Variants in FAM53A observed in about 807,000 individuals in gnomAD.
FAM53A encodes the protein protein FAM53A.
FAM53A carries 28 observed loss-of-function variants against 26.6 expected under a neutral mutation model. That is an observed-to-expected ratio of 1.05 (90% CI 0.78 to 1.45). The LOEUF is 1.45. Among genes scored for constraint, FAM53A ranks in the 40% most tolerant of loss-of-function variants. The pLI, the probability that FAM53A is intolerant of heterozygous loss-of-function variation, is 0.00. For synonymous variants in FAM53A, 290 were observed against 253.1 expected (o/e 1.15, Z -1.38); for missense variants, 650 against 575.8 (o/e 1.13, Z -1.32).
chr4:1,658,116 T>A (rs1198799574), intron 2 of FAM53A, among the ~76,000 whole-genome samples: 1 of 151,952 alleles, frequency 6.6e-6, no homozygotes, highest in Non-Finnish European at 1.5e-5. Flanking sequence ...GTTCACGCCA[T>A]TCTCCTGTCT....
chr4:1,595,353 A>G, the FAM53A span, among the ~76,000 whole-genome samples: 1 of 152,136 alleles, frequency 6.6e-6, no homozygotes, highest in African/African-American at 2.4e-5. Flanking sequence ...GGCTCCCCAC[A>G]TCCTGGCGCC....
chr4:1,604,709 T>A, the FAM53A span, among the ~76,000 whole-genome samples: 2 of 152,142 alleles, frequency 1.3e-5, no homozygotes, highest in African/African-American at 4.8e-5. Context: ...TTCCCGGGAC[T>A]AACATTGCTC....
chr4:1,678,714 C>T (rs933812757), intron 1 of FAM53A, among the ~76,000 whole-genome samples: 4 of 151,918 alleles, frequency 2.6e-5, no homozygotes, highest in East Asian at 1.9e-4. Context: ...CCCAGCTACT[C>T]GGGAGGCTGA....
At chr4:1,577,429 G>A in the FAM53A span, among the ~76,000 whole-genome samples, 1 of 151,958 alleles carries the variant, frequency 6.6e-6, no homozygotes, top group African/African-American at 2.4e-5. Flanking sequence ...CAGGGTGCGG[G>A]GTGGTAGGGG....
At chr4:1,684,100 C>G (rs1241518696) in intron 1 of FAM53A, 133 bp downstream of exon 1, 2 of 152,020 alleles carry the variant, frequency 1.3e-5, no homozygotes, top group African/African-American at 4.8e-5. Flanking sequence ...CAGCTCGGAG[C>G]GCAGGGCCCC....
In FAM53A at chr4:1,655,156, G is replaced by A. The variant is rs201035222; in HGVS notation, c.704C>T (p.Pro235Leu). The A allele has an allele frequency of 1.9e-6, 3 of 1,580,580 alleles. No individual in the cohort carries two copies. The highest frequency in any genetic ancestry group is 2.6e-6 in the Non-Finnish European group (3 of 1,167,518). The change falls in exon 4 of 5, where the codon CCC becomes CTC. Residue 235 changes from proline (P) to leucine (L), a missense_variant. Pro to Leu is a moderately conservative substitution (Grantham distance 98). Transcript: ENST00000308132. Reference protein sequence around the residue: ...SQERLAGAGTPLPWASSSPTS... With the variant: ...SQERLAGAGTLLPWASSSPTS... ...GGGGCTGCTGCTGGCCCAGGGCAGG[G>A]GAGTGCCCGCACCCGCGAGTCGCTC...
At chr4:1,619,213 A>T (rs1345801142) in intron 1 of FAM53A, among the ~76,000 whole-genome samples, 1 of 152,236 alleles carries the variant, frequency 6.6e-6, no homozygotes, top group African/African-American at 2.4e-5. Flanking sequence ...TTGCAGCCAC[A>T]GGCTGAGGCA....
the FAM53A span, among the ~76,000 whole-genome samples, chr4:1,607,982 C>G: frequency 6.7e-6 from 1 of 149,994 alleles, no homozygotes; most frequent in East Asian, 2.0e-4. Flanking sequence ...TGTGGTAGCA[C>G]GAGCCTGTAA....
the FAM53A span, among the ~76,000 whole-genome samples, chr4:1,580,482 G>C: frequency 8.2e-4 from 124 of 152,028 alleles, 2 homozygotes; most frequent in Non-Finnish European, 1.5e-4. Context: ...AAGCATCCCC[G>C]GCGCGGGGTG....
At chr4:1,614,570 C>T (rs1334423124), downstream of FAM53A, among the ~76,000 whole-genome samples, 1 of 152,076 alleles carries the variant, frequency 6.6e-6, no homozygotes, top group Non-Finnish European at 1.5e-5. Context: ...GGCACAGCCC[C>T]AGAGCAGCGT....
chr4:1,655,502 G>A lies in FAM53A; in HGVS notation c.358C>T (p.His120Tyr). ...GSSTAPPTKR[H>Y]CRSLSEPEEL... is the part of the protein sequence containing the mutation. ...TCGGGTTCTGACAAGGACCGGCAAT[G>A]CCGCTTGGTCGGTGGGGCCGTGGAC... is the stretch of plus-strand genomic sequence containing the variant. Residue 120 changes from histidine (H) to tyrosine (Y), a missense_variant, in exon 4 of 5, where the codon CAT becomes TAT. Transcript: ENST00000308132. 1 of 1,573,976 alleles carries A rather than the reference G, an allele frequency of 6.4e-7. No homozygotes were observed. The highest frequency in any genetic ancestry group is 1.1e-5 in the South Asian group (1 of 87,642).
chr4:1,587,528 T>C, the FAM53A span, among the ~76,000 whole-genome samples: 4 of 152,214 alleles, frequency 2.6e-5, no homozygotes, highest in Non-Finnish European at 2.9e-5. Flanking sequence ...AAAAATTAGC[T>C]AGGCGTGGTG....
chr4:1,618,435 G>T (rs1427540763), intron 1 of FAM53A, among the ~76,000 whole-genome samples: 1 of 152,222 alleles, frequency 6.6e-6, no homozygotes, highest in East Asian at 1.9e-4. Context: ...TGGGAAGTGG[G>T]CTGGTACCAC....
the FAM53A span, among the ~76,000 whole-genome samples, chr4:1,605,655 A>T: frequency 3.9e-5 from 6 of 151,902 alleles, no homozygotes; most frequent in African/African-American, 1.5e-4. The surrounding 1 kb of genome is among the most constrained non-coding windows in gnomAD (Gnocchi z 5.7). Flanking sequence ...CACCCCAGAG[A>T]CCCAGGGCTC....
chr4:1,589,623 T>C, the FAM53A span, among the ~76,000 whole-genome samples: 2 of 152,224 alleles, frequency 1.3e-5, no homozygotes, highest in East Asian at 1.9e-4. Flanking sequence ...ATTAGTCTTT[T>C]ACATTTTCTG....
At chr4:1,576,961 G>C in the FAM53A span, among the ~76,000 whole-genome samples, 1 of 152,112 alleles carries the variant, frequency 6.6e-6, no homozygotes, top group South Asian at 2.1e-4. Flanking sequence ...CCTTCCAAGG[G>C]TGCCCCCGCC....
At chr4:1,655,771 A>T (rs752101233) in intron 3 of FAM53A, 48 bp from the exon 4 acceptor site, 321 of 1,473,258 alleles carry the variant, frequency 2.2e-4, no homozygotes, top group Non-Finnish European at 2.7e-4. Flanking sequence ...GGTGAGCCAC[A>T]GGGCAGGCGA....
At chr4:1,583,618 C>A in the FAM53A span, among the ~76,000 whole-genome samples, 3 of 152,364 alleles carry the variant, frequency 2.0e-5, no homozygotes, top group East Asian at 1.9e-4. Flanking sequence ...CAGCTCCCAG[C>A]AGCTCAGGTG....
chr4:1,588,530 G>A, the FAM53A span, among the ~76,000 whole-genome samples: 1 of 152,168 alleles, frequency 6.6e-6, no homozygotes, highest in African/African-American at 2.4e-5. Flanking sequence ...TGTGTCATGA[G>A]GACATCCAAG....
Sources: gnomAD v4.1 joint callset for allele counts (sites outside exome capture counted in the v4.1 genomes callset) on GRCh38, gnomAD v4.1.1 for gene constraint, Gnocchi (gnomAD v3.1) non-coding constraint, MANE v1.5 for transcripts, NCBI Gene and HGNC (gene_info 2026-07-23, HGNC 2026-07-21) for gene names.